Variants in WLS observed in about 807,000 individuals in gnomAD.
The protein encoded by WLS is protein wntless homolog.
WLS carries 23 observed loss-of-function variants against 62.8 expected under a neutral mutation model. The observed-to-expected ratio is 0.37, with a 90% CI of 0.26 to 0.52. The LOEUF (loss-of-function observed/expected upper bound fraction) is 0.52. Among genes scored for constraint, WLS ranks in the 20% least tolerant of loss-of-function variants. WLS has a pLI of 0.92. For missense variants in WLS, 615 were observed against 697.3 expected (o/e 0.88, Z 1.33); for synonymous variants, 246 against 244.1 (o/e 1.01, Z -0.07).
intron 1 of WLS, among the ~76,000 whole-genome samples, chr1:68,200,168 T>C (rs1166463920): frequency 6.6e-6 from 1 of 152,130 alleles, no homozygotes; most frequent in African/African-American, 2.4e-5. Flanking sequence ...ATTTTATGTT[T>C]ACAATAGAAT....
intron 2 of WLS, among the ~76,000 whole-genome samples, chr1:68,161,226 C>A (rs1158647451): frequency 6.6e-6 from 1 of 152,126 alleles, no homozygotes; most frequent in African/African-American, 2.4e-5. Context: ...TGTACAGGAG[C>A]CTGTACTGTC....
chr1:68,199,541 G>T (rs982413941), intron 1 of WLS, among the ~76,000 whole-genome samples: 1 of 152,130 alleles, frequency 6.6e-6, no homozygotes. Flanking sequence ...ATTTTCTGCA[G>T]ATATCTGTGC....
At chr1:68,135,639 A>G (rs933002877) in intron 11 of WLS, among the ~76,000 whole-genome samples, 4 of 152,158 alleles carry the variant, frequency 2.6e-5, no homozygotes, top group Non-Finnish European at 5.9e-5. Flanking sequence ...TTATCATTCC[A>G]TCATCCAGGA....
In WLS at chr1:68,134,731, T is replaced by A. The variant is rs149938902; in HGVS notation, c.1516+3049A>T. On this transcript the variant is annotated intron_variant, in intron 11 of 11. Coordinates refer to ENST00000262348, the MANE Select transcript of WLS (RefSeq NM_024911.7). Reference sequence around the variant, plus strand: ...GGATTCAGGGGATATGACCTCTTGTTGAGAATTATTTGCAAGTTTTCCATG... The same window carrying A: ...GGATTCAGGGGATATGACCTCTTGTAGAGAATTATTTGCAAGTTTTCCATG... 2.7e-3 allele frequency among the ~76,000 whole-genome samples: 416 copies of A among 152,338 alleles called. 1 individual carries two copies. Among genetic ancestry groups the A allele is most frequent in the African/African-American group, 9.6e-3 (399 of 41,572 alleles).
At chr1:68,126,463 C>T in intron 11 of WLS, 128 bp from the exon 12 acceptor site, 1 of 1,231,414 alleles carries the variant, frequency 8.1e-7, no homozygotes, top group Non-Finnish European at 1.1e-6. Context: ...ACACCTAGGG[C>T]ACACAACATT....
chr1:68,232,448 C>G lies in WLS; in HGVS notation c.-149G>C, dbSNP rs11540823. On this transcript the variant is annotated 5_prime_UTR_variant, in exon 1 of 12. Transcript: ENST00000262348. ...TGCTGGAGCGCGGCGAGGATGGGAC[C>G]GGGACGGAAGGCGCCCGCACGGATT... 1 of 1,403,156 alleles carries G rather than the reference C, an allele frequency of 7.1e-7. No individual in the cohort carries two copies. The highest frequency in any genetic ancestry group is 9.3e-7 in the Non-Finnish European group (1 of 1,077,690). The allele number at this position is 1,403,156 out of a possible 1,614,324, so 86.9% of individuals were successfully genotyped here. A position where few individuals can be genotyped will look rare whatever the true frequency, so the allele number is the denominator to read the frequency against.
intron 10 of WLS, 77 bp downstream of exon 10, chr1:68,144,492 G>T (rs1169487116): frequency 7.2e-7 from 1 of 1,393,144 alleles, no homozygotes; most frequent in African/African-American, 1.4e-5. Context: ...TTCCTCAGTG[G>T]CTCTATTGAA....
At position 68,108,499 on chromosome 1, in the gene WLS, A is replaced by T. The variant is rs572140754; in HGVS notation, c.1511-9746T>A. ...TACCCACTCCAGCCACCCAGCCCAT[A>T]GTGTGCTATGGTCTACACCAGATGC... On this transcript the variant is annotated intron_variant, in intron 11 of 11. Transcript: ENST00000354777. Among the ~76,000 whole-genome samples, 63 of 152,248 alleles carry T rather than the reference A, an allele frequency of 4.1e-4. 2 individuals are homozygous for T. In the South Asian group the frequency reaches 0.013, roughly 31 times the overall value.
chr1:68,194,177 C>T lies in WLS; in HGVS notation c.157G>A (p.Ala53Thr), dbSNP rs1648530161. The change falls in exon 2 of 12, where the codon GCC becomes ACC. Residue 53 changes from alanine to threonine, a missense_variant. Ala to Thr is a moderately conservative substitution (Grantham distance 58). Coordinates refer to ENST00000262348, the MANE Select transcript of WLS (RefSeq NM_024911.7). ...TTTGTCTTGTGATGGTTCTTACGGG[C>T]ATCCACACATTTCACCGACATGTAG... The part of the protein sequence containing the change: ...VSYMSVKCVD[A>T]RKNHHKTKWF... 2 of 1,614,054 alleles carry T rather than the reference C, an allele frequency of 1.2e-6. No individual in the cohort carries two copies. Among genetic ancestry groups the T allele is most frequent in the South Asian group, 2.2e-5 (2 of 91,084 alleles).
intron 2 of WLS, chr1:68,163,034 T>G (rs1647005190): frequency 1.3e-6 from 2 of 1,586,356 alleles, no homozygotes; most frequent in Admixed American, 1.7e-5. Flanking sequence ...GGCGGATACC[T>G]TCACAAATTC....
chr1:68,166,968 G>A (rs1442557342), intron 2 of WLS, among the ~76,000 whole-genome samples: 3 of 152,002 alleles, frequency 2.0e-5, no homozygotes, highest in Non-Finnish European at 4.4e-5. Flanking sequence ...GAAATCACAG[G>A]GAGAATGGCC....
At chr1:68,131,103 GGGTTTCA>G (rs1646515346) in intron 11 of WLS, among the ~76,000 whole-genome samples, 1 of 28,080 alleles carries the variant, frequency 3.6e-5, no homozygotes, top group Non-Finnish European at 1.2e-4. Context: ...AGTAGAGACA[GGGTTTCA>G]CCGCATTAGC....
intron 11 of WLS, chr1:68,099,664 G>A (rs1397542679): frequency 6.6e-6 from 1 of 152,098 alleles, no homozygotes; most frequent in African/African-American, 2.4e-5. Context: ...TAAAGGCTAT[G>A]GAAATAGTTG....
chr1:68,227,538 GAA>G (rs1360587597), intron 1 of WLS, among the ~76,000 whole-genome samples: 1 of 151,220 alleles, frequency 6.6e-6, no homozygotes, highest in Non-Finnish European at 1.5e-5. Context: ...AAGAGTAATT[GAA>G]AACTCTTTTT....
At chr1:68,178,634 A>AG (rs954044794) in intron 2 of WLS, among the ~76,000 whole-genome samples, 2 of 149,056 alleles carry the variant, frequency 1.3e-5, no homozygotes, top group African/African-American at 5.0e-5. Flanking sequence ...TGAACCCAGG[A>AG]GGGGGAGGTT....
chr1:68,151,648 GA>G (rs1242979972), intron 5 of WLS, among the ~76,000 whole-genome samples: 1 of 152,094 alleles, frequency 6.6e-6, no homozygotes, highest in Non-Finnish European at 1.5e-5. Context: ...ATGGGGATGT[GA>G]TTTTACGTAA....
chr1:68,127,135 C>A, intron 11 of WLS: 1 of 393,894 alleles, frequency 2.5e-6, no homozygotes, highest in South Asian at 1.8e-5. Context: ...TTCTAGGCTG[C>A]AGTGAGCTAT....
At chr1:68,176,647 G>A (rs774380122) in intron 2 of WLS, among the ~76,000 whole-genome samples, 3 of 152,086 alleles carry the variant, frequency 2.0e-5, no homozygotes, top group Non-Finnish European at 4.4e-5. Context: ...TCTCTAATAT[G>A]GACACTTTTC....
At chr1:68,116,584 A>T (rs1325033855) in intron 11 of WLS, among the ~76,000 whole-genome samples, 2 of 152,174 alleles carry the variant, frequency 1.3e-5, no homozygotes, top group Admixed American at 6.5e-5. Context: ...TCATTTAAGG[A>T]TTAAAGAAGT....
Sources: gnomAD v4.1 joint callset for allele counts (sites outside exome capture counted in the v4.1 genomes callset) on GRCh38, gnomAD v4.1.1 for gene constraint, MANE v1.5 for transcripts, NCBI Gene and HGNC (gene_info 2026-07-23, HGNC 2026-07-21) for gene names.